The following KIF21A variants were observed in gnomAD, a reference collection of about 807,000 sequenced individuals.
KIF21A encodes the protein kinesin-like protein KIF21A.
Under a neutral mutation model 202.9 loss-of-function variants are expected in KIF21A, and 114 were observed. That is an observed-to-expected ratio of 0.56 (90% confidence interval 0.48 to 0.66). The LOEUF is 0.66. Ranked by LOEUF, KIF21A falls within the 30% of genes least tolerant of loss-of-function variation. The pLI, the probability that KIF21A is intolerant of heterozygous loss-of-function variation, is 0.00. For missense variants in KIF21A, 1,677 were observed against 1,994.9 expected, an observed-to-expected ratio of 0.84 and a Z score of 3.04; for synonymous variants, 667 against 670.8, an observed-to-expected ratio of 0.99 and a Z score of 0.09.
At chr12:39,431,442 G>T (rs2140356225) in intron 1 of KIF21A, among the ~76,000 whole-genome samples, 1 of 152,300 alleles carries the variant, frequency 6.6e-6, no homozygotes, top group East Asian at 1.9e-4. Flanking sequence ...AGGTTAAAGG[G>T]AAGGCTATGA....
At position 39,307,481 on chromosome 12, in the gene KIF21A, T is replaced by C. The variant is rs1943587193; in HGVS notation, c.4442+84A>G. 5 of 1,296,496 alleles carry C rather than the reference T, an allele frequency of 3.9e-6. No individual in the cohort carries two copies. The East Asian group carries it at 7.0e-5, about 18-fold the overall frequency. 80.3% of individuals were successfully genotyped at this position (1,296,496 alleles called of 1,614,324 possible). On this transcript the variant is annotated intron_variant, in intron 34 of 37. Coordinates refer to ENST00000361418, the MANE Select transcript of KIF21A (RefSeq NM_001173464.2). ...ACATTAACTTCTGGGGTCATAAAAA[T>C]TGGATTTCACATGCACTAATGTTAT...
At chr12:39,376,495 G>A (rs1383349445) in intron 1 of KIF21A, among the ~76,000 whole-genome samples, 1 of 151,956 alleles carries the variant, frequency 6.6e-6, no homozygotes, top group Admixed American at 6.6e-5. Context: ...TTAAAGCTGG[G>A]GATTAAATTG....
At chr12:39,429,973 C>A (rs1281609618) in intron 1 of KIF21A, among the ~76,000 whole-genome samples, 1 of 152,032 alleles carries the variant, frequency 6.6e-6, no homozygotes, top group Non-Finnish European at 1.5e-5. Flanking sequence ...AAGGGATTAA[C>A]CCTATTTTAT....
chr12:39,371,165 A>G (rs146349168), intron 1 of KIF21A, among the ~76,000 whole-genome samples: 1,661 of 152,306 alleles, frequency 0.011, 36 homozygotes, highest in African/African-American at 0.036. Context: ...ATTTTTCTGA[A>G]TATTTTCAAT....
intron 18 of KIF21A, 44 bp from the exon 19 acceptor site, chr12:39,333,151 A>G (rs917953270): frequency 1.2e-6 from 2 of 1,606,290 alleles, no homozygotes; most frequent in African/African-American, 2.7e-5. Flanking sequence ...AGTCTATAGA[A>G]ATACATCATT....
chr12:39,311,610 T>C lies in KIF21A; in HGVS notation c.3960-57A>G, dbSNP rs565800502. ...CTCACTTCAGTATCATGAGACTATA[T>C]CATGAGACTAGTTTTGTTTTTTTCC... On this transcript the variant is annotated intron_variant, in intron 31 of 37. Transcript: ENST00000361418. 364 of 1,596,166 alleles carry C rather than the reference T, an allele frequency of 2.3e-4. No homozygotes were observed. In the African/African-American group the frequency reaches 4.3e-3, roughly 19 times the overall value.
chr12:39,400,221 GA>G (rs1952060413), intron 1 of KIF21A, among the ~76,000 whole-genome samples: 1 of 152,210 alleles, frequency 6.6e-6, no homozygotes, highest in Non-Finnish European at 1.5e-5. Flanking sequence ...TAGGTGATGA[GA>G]AGGAGAGCTG....
chr12:39,321,109 A>C (rs1205810948), intron 27 of KIF21A, among the ~76,000 whole-genome samples: 1 of 152,160 alleles, frequency 6.6e-6, no homozygotes, highest in Non-Finnish European at 1.5e-5. Flanking sequence ...GCAATCCTGC[A>C]TCATTTAAAT....
At chr12:39,412,808 GAACTACC>G (rs1174701818) in intron 1 of KIF21A, among the ~76,000 whole-genome samples, 4 of 152,006 alleles carry the variant, frequency 2.6e-5, no homozygotes, top group African/African-American at 9.7e-5. Context: ...ACCTACTTTT[GAACTACC>G]TGAGTCCCAC....
intron 17 of KIF21A, among the ~76,000 whole-genome samples, chr12:39,334,098 G>A (rs1946737022): frequency 6.6e-6 from 1 of 151,360 alleles, no homozygotes; most frequent in Admixed American, 6.6e-5. Context: ...CTACTCGGGA[G>A]GCTGAGGTGG....
intron 12 of KIF21A, 35 bp downstream of exon 12, chr12:39,346,428 AACG>A (rs1947896782): frequency 7.0e-7 from 1 of 1,420,260 alleles, no homozygotes; most frequent in African/African-American, 1.5e-5. Context: ...TAAGTATTTA[AACG>A]ACATTTTAAT....
chr12:39,317,994 C>A (rs1163581215), intron 29 of KIF21A, 79 bp downstream of exon 29: 1 of 1,413,226 alleles, frequency 7.1e-7, no homozygotes, highest in Non-Finnish European at 9.9e-7. Flanking sequence ...ACAGAGATGA[C>A]TACATGTTTT....
intron 20 of KIF21A, 79 bp from the exon 21 acceptor site, chr12:39,332,487 C>CAA: frequency 6.7e-7 from 1 of 1,492,844 alleles, no homozygotes; most frequent in South Asian, 1.1e-5. Context: ...CCCCACCCCC[C>CAA]AAAAAAAACT....
chr12:39,365,398 T>G (rs923422939), intron 6 of KIF21A, among the ~76,000 whole-genome samples: 8 of 152,210 alleles, frequency 5.3e-5, no homozygotes, highest in African/African-American at 1.9e-4. Flanking sequence ...TTTAGGGATG[T>G]CATTACATTT....
chr12:39,374,550 A>G (rs1950148302), intron 1 of KIF21A, among the ~76,000 whole-genome samples: 1 of 152,172 alleles, frequency 6.6e-6, no homozygotes, highest in Admixed American at 6.5e-5. Flanking sequence ...TTGAATTATT[A>G]TTTCTCCATT....
intron 1 of KIF21A, among the ~76,000 whole-genome samples, chr12:39,372,590 A>C (rs1950032138): frequency 6.6e-6 from 1 of 152,190 alleles, no homozygotes; most frequent in Non-Finnish European, 1.5e-5. Flanking sequence ...GAAAGATGGA[A>C]ATCATATTGT....
chr12:39,296,702 A>G (rs193194464), intron 37 of KIF21A, among the ~76,000 whole-genome samples: 122 of 152,332 alleles, frequency 8.0e-4, no homozygotes, highest in African/African-American at 2.9e-3. Context: ...GCCCTCAGGC[A>G]GGAGTGGCTT....
chr12:39,346,536 C>A, intron 11 of KIF21A, 32 bp from the exon 12 acceptor site: 2 of 1,402,946 alleles, frequency 1.4e-6, no homozygotes, highest in African/African-American at 1.5e-5. Context: ...TATTGGAAGG[C>A]CAAGCCAATG....
chr12:39,408,208 G>A (rs1952767069), intron 1 of KIF21A, among the ~76,000 whole-genome samples: 2 of 152,052 alleles, frequency 1.3e-5, no homozygotes. Context: ...GGTGGAGGGG[G>A]ATGATGGTTT....
Sources: gnomAD v4.1 joint callset for allele counts (sites outside exome capture counted in the v4.1 genomes callset) on GRCh38, gnomAD v4.1.1 for gene constraint, MANE v1.5 for transcripts, NCBI Gene and HGNC (gene_info 2026-07-23, HGNC 2026-07-21) for gene names.